HCN1: variants seen among roughly 807,000 people sequenced by gnomAD.
HCN1 encodes potassium/sodium hyperpolarization-activated cyclic nucleotide-gated channel 1.
A neutral mutation model predicts 78.9 loss-of-function variants in HCN1; 13 were observed. The observed-to-expected ratio is 0.16, with a 90% CI of 0.11 to 0.26. HCN1 has a LOEUF of 0.26. Ranked by LOEUF, HCN1 falls within the 10% of genes least tolerant of loss-of-function variation. The pLI is 1.00. For missense variants in HCN1, 810 were observed against 1,154.3 expected, an observed-to-expected ratio of 0.70 and a Z score of 4.32; for synonymous variants, 552 against 455.5, an observed-to-expected ratio of 1.21 and a Z score of -2.70.
At chr5:45,573,087 C>T (rs1441147523) in intron 2 of HCN1, among the ~76,000 whole-genome samples, 4 of 152,058 alleles carry the variant, frequency 2.6e-5, no homozygotes, top group South Asian at 2.1e-4. Flanking sequence ...ATGATAGAAA[C>T]TTACTTGTTT....
chr5:45,497,781 G>C (rs866126428), intron 2 of HCN1, among the ~76,000 whole-genome samples: 2 of 152,160 alleles, frequency 1.3e-5, no homozygotes, highest in Admixed American at 6.5e-5. Flanking sequence ...GGCAGGCCTG[G>C]TGGTGACAAA....
intron 2 of HCN1, among the ~76,000 whole-genome samples, chr5:45,506,609 G>A (rs1490174889): frequency 6.6e-6 from 1 of 152,008 alleles, no homozygotes; most frequent in Non-Finnish European, 1.5e-5. Flanking sequence ...TCATCAATAA[G>A]AGAGGAAATT....
At chr5:45,608,540 A>G (rs750918095) in intron 2 of HCN1, among the ~76,000 whole-genome samples, 5 of 152,018 alleles carry the variant, frequency 3.3e-5, no homozygotes, top group Admixed American at 6.6e-5. Flanking sequence ...TAATTAAGTT[A>G]GTTTGGTGTT....
chr5:45,336,500 C>A (rs539214890), intron 5 of HCN1, among the ~76,000 whole-genome samples: 1 of 152,090 alleles, frequency 6.6e-6, no homozygotes, highest in African/African-American at 2.4e-5. Context: ...TGAGGATGAA[C>A]AACACACAAC....
chr5:45,376,338 TTA>T (rs201682954), intron 4 of HCN1, among the ~76,000 whole-genome samples: 15 of 98,696 alleles, frequency 1.5e-4, no homozygotes, highest in African/African-American at 5.7e-4. Flanking sequence ...ATAACATATA[TTA>T]TATATATATA....
intron 2 of HCN1, among the ~76,000 whole-genome samples, chr5:45,612,990 T>A (rs886413748): frequency 6.6e-6 from 1 of 152,108 alleles, no homozygotes; most frequent in Non-Finnish European, 1.5e-5. Context: ...AATACAAACG[T>A]TGGAGGAAGG....
chr5:45,546,845 A>G (rs1219800834), intron 2 of HCN1, among the ~76,000 whole-genome samples: 2 of 151,912 alleles, frequency 1.3e-5, no homozygotes, highest in East Asian at 3.9e-4. Flanking sequence ...TTCTTCAGAA[A>G]CAAGTTGTTT....
intron 2 of HCN1, among the ~76,000 whole-genome samples, chr5:45,539,347 G>A (rs988228456): frequency 2.0e-5 from 3 of 151,064 alleles, no homozygotes; most frequent in South Asian, 2.1e-4. Flanking sequence ...TATTATTAAA[G>A]TAGAAATAAA....
At chr5:45,447,252 C>G (rs1434365435) in intron 3 of HCN1, among the ~76,000 whole-genome samples, 2 of 151,596 alleles carry the variant, frequency 1.3e-5, no homozygotes, top group Admixed American at 1.3e-4. Context: ...TCTTTTTTTT[C>G]TTTTTGAGAC....
chr5:45,657,450 A>T (rs1745795447), intron 1 of HCN1, among the ~76,000 whole-genome samples: 1 of 152,260 alleles, frequency 6.6e-6, no homozygotes. Context: ...AATAGATAAC[A>T]GAATCCCATT....
intron 5 of HCN1, among the ~76,000 whole-genome samples, chr5:45,322,824 C>A (rs1429026569): frequency 6.6e-6 from 1 of 151,678 alleles, no homozygotes; most frequent in Admixed American, 6.6e-5. Context: ...TATAGATAAA[C>A]CAAATGAGTC....
chr5:45,674,545 A>C (rs145649372), intron 1 of HCN1, among the ~76,000 whole-genome samples: 17 of 151,958 alleles, frequency 1.1e-4, no homozygotes, highest in African/African-American at 3.6e-4. Flanking sequence ...AAGTATTAAT[A>C]TAATGCCATT....
intron 2 of HCN1, among the ~76,000 whole-genome samples, chr5:45,528,502 G>A (rs1272221726): frequency 2.6e-5 from 4 of 151,696 alleles, no homozygotes; most frequent in Non-Finnish European, 4.4e-5. Context: ...TTGATTTTTG[G>A]TTATTTGAAA....
intron 2 of HCN1, among the ~76,000 whole-genome samples, chr5:45,518,491 A>C (rs540651937): frequency 6.6e-6 from 1 of 152,104 alleles, no homozygotes; most frequent in Non-Finnish European, 1.5e-5. Context: ...GGGTCTGAGT[A>C]AGATAAGCAG....
intron 2 of HCN1, among the ~76,000 whole-genome samples, chr5:45,615,499 T>C (rs1013577370): frequency 3.3e-5 from 5 of 151,976 alleles, no homozygotes; most frequent in African/African-American, 1.2e-4. Context: ...GGGTACAGAA[T>C]GTAGTGTTTA....
At chr5:45,407,854 C>T (rs539690796) in intron 3 of HCN1, among the ~76,000 whole-genome samples, 243 of 152,232 alleles carry the variant, frequency 1.6e-3, no homozygotes, top group African/African-American at 5.6e-3. Context: ...ATTTTGCATG[C>T]TACTGCTCCT....
intron 3 of HCN1, among the ~76,000 whole-genome samples, chr5:45,425,740 G>T (rs1187869791): frequency 6.6e-6 from 1 of 152,168 alleles, no homozygotes; most frequent in Non-Finnish European, 1.5e-5. Flanking sequence ...GGAATTCAAG[G>T]ATAGAAATGT....
intron 2 of HCN1, among the ~76,000 whole-genome samples, chr5:45,487,794 TAGTC>T (rs369308839): frequency 5.3e-5 from 8 of 152,260 alleles, no homozygotes; most frequent in African/African-American, 1.9e-4. Context: ...TAGTAAAACT[TAGTC>T]AAGTTACTTC....
intron 4 of HCN1, among the ~76,000 whole-genome samples, chr5:45,374,119 A>T (rs566524409): frequency 8.7e-6 from 1 of 115,082 alleles, no homozygotes; most frequent in Non-Finnish European, 1.7e-5. Context: ...TATACATAAT[A>T]TATATAATAT....
Sources: gnomAD v4.1 joint callset for allele counts (sites outside exome capture counted in the v4.1 genomes callset) on GRCh38, gnomAD v4.1.1 for gene constraint, MANE v1.5 for transcripts, NCBI Gene and HGNC (gene_info 2026-07-23, HGNC 2026-07-21) for gene names.